PPM1D: variants seen among roughly 807,000 people sequenced by gnomAD.
PPM1D encodes protein phosphatase 1D.
Under a neutral mutation model 58.3 loss-of-function variants are expected in PPM1D, and 52 were observed. The ratio of observed to expected loss-of-function variants is 0.89; its 90% CI spans 0.71 to 1.12. The LOEUF (loss-of-function observed/expected upper bound fraction) is 1.12. Among genes scored for constraint, PPM1D ranks in the 50% most tolerant of loss-of-function variants. PPM1D has a pLI of 0.00. For synonymous variants in PPM1D, 278 were observed against 285.1 expected (o/e 0.98, Z 0.25); for missense variants, 564 against 777.2 (o/e 0.73, Z 3.26).
At chr17:60,638,824 C>CG (rs1013851193) in intron 3 of PPM1D, among the ~76,000 whole-genome samples, 13 of 151,538 alleles carry the variant, frequency 8.6e-5, no homozygotes, top group African/African-American at 3.1e-4. Flanking sequence ...TTTTTTTGGG[C>CG]GGGGGAAGGG....
chr17:60,623,465 G>A, intron 1 of PPM1D, 56 bp from the exon 2 acceptor site: 1 of 1,488,232 alleles, frequency 6.7e-7, no homozygotes, highest in Non-Finnish European at 9.1e-7. Context: ...TTTGTATCCT[G>A]ACAGTGTATT....
At chr17:60,636,500 A>G (rs1031839977) in intron 3 of PPM1D, among the ~76,000 whole-genome samples, 3 of 152,182 alleles carry the variant, frequency 2.0e-5, no homozygotes, top group African/African-American at 7.2e-5. Context: ...TGCTACCAAG[A>G]AAAATAAAGC....
At chr17:60,612,011 T>TG (rs2030466649) in intron 1 of PPM1D, among the ~76,000 whole-genome samples, 1 of 151,606 alleles carries the variant, frequency 6.6e-6, no homozygotes, top group Non-Finnish European at 1.5e-5. Context: ...AGCCACTGAC[T>TG]ACATGTAGTC....
chr17:60,650,426 C>T (rs112338598), intron 4 of PPM1D, among the ~76,000 whole-genome samples: 1 of 152,188 alleles, frequency 6.6e-6, no homozygotes, highest in African/African-American at 2.4e-5. Context: ...TGACTCGCAC[C>T]TGTAATCCCA....
rs374410911 is a variant in PPM1D, at chr17:60,647,712, G to A, written c.827-180G>A. On this transcript the variant is annotated intron_variant, in intron 3 of 5. Transcript: ENST00000305921. ...TGGTGGATATACTTTATCAGGTTAAGGGAGTTCCCTTTTATTCTTAGTTTG... is the reference window on the plus strand; with the variant it reads ...TGGTGGATATACTTTATCAGGTTAAAGGAGTTCCCTTTTATTCTTAGTTTG... 4.6e-5 allele frequency among the ~76,000 whole-genome samples: 7 copies of A among 152,278 alleles called. No individual in the cohort carries two copies. In the East Asian group the frequency reaches 1.2e-3, roughly 25 times the overall value.
chr17:60,614,220 T>A (rs1260034347), intron 1 of PPM1D, among the ~76,000 whole-genome samples: 1 of 152,128 alleles, frequency 6.6e-6, no homozygotes, highest in Non-Finnish European at 1.5e-5. Context: ...TGTGTCTAGC[T>A]CAGGGTTTGT....
In PPM1D at chr17:60,600,721, G is replaced by T. The variant is rs771877652; in HGVS notation, c.307G>T (p.Val103Leu). 2 of 1,608,140 alleles carry T rather than the reference G, an allele frequency of 1.2e-6. No individual in the cohort carries two copies. The highest frequency in any genetic ancestry group is 2.2e-5 in the South Asian group (2 of 90,764). ...CCGTTCCTCCGTGGCCTTTTTCGCC[G>T]TGTGCGACGGGCACGGCGGGCGGGA... ...RRRSSVAFFA[V>L]CDGHGGREAA... The change falls in exon 1 of 6, where the codon GTG becomes TTG. Residue 103 changes from valine (V) to leucine (L), a missense_variant. Around this residue, in one of 7 missense-constraint regions of PPM1D, gnomAD observed 132 missense variants for 150.4 expected, o/e 0.88. Coordinates refer to ENST00000305921, the MANE Select transcript of PPM1D (RefSeq NM_003620.4).
At chr17:60,659,933 T>A (rs2031499355) in intron 5 of PPM1D, among the ~76,000 whole-genome samples, 1 of 152,124 alleles carries the variant, frequency 6.6e-6, no homozygotes, top group Admixed American at 6.5e-5. Flanking sequence ...GCATTTAGGC[T>A]GGGTGTGGTG....
intron 1 of PPM1D, among the ~76,000 whole-genome samples, chr17:60,607,552 C>T (rs142207194): frequency 0.044 from 6,715 of 152,332 alleles, 196 homozygotes; most frequent in Non-Finnish European, 0.065. Context: ...CCACCTGCCT[C>T]AGGCTCCCAA....
At chr17:60,657,463 A>G (rs1157185454) in intron 5 of PPM1D, among the ~76,000 whole-genome samples, 1 of 152,216 alleles carries the variant, frequency 6.6e-6, no homozygotes, top group Non-Finnish European at 1.5e-5. Flanking sequence ...AAAAATTAGC[A>G]GTATTGATTG....
At chr17:60,643,448 T>C (rs1009828798) in intron 3 of PPM1D, among the ~76,000 whole-genome samples, 1 of 152,066 alleles carries the variant, frequency 6.6e-6, no homozygotes, top group African/African-American at 2.4e-5. Flanking sequence ...TAAAATAAAC[T>C]GTCAGCTAAT....
intron 1 of PPM1D, among the ~76,000 whole-genome samples, chr17:60,619,676 CTG>C (rs1430616440): frequency 6.6e-6 from 1 of 151,996 alleles, no homozygotes; most frequent in African/African-American, 2.4e-5. Flanking sequence ...GGTGTGATCA[CTG>C]TAGCCCCAGA....
chr17:60,603,072 C>G (rs539142346), intron 1 of PPM1D, among the ~76,000 whole-genome samples: 2 of 152,262 alleles, frequency 1.3e-5, no homozygotes, highest in South Asian at 4.1e-4. Context: ...TCACCCTGCC[C>G]CCCCAACAAG....
chr17:60,638,122 A>C (rs566173913), intron 3 of PPM1D, among the ~76,000 whole-genome samples: 1 of 152,316 alleles, frequency 6.6e-6, no homozygotes, highest in East Asian at 1.9e-4. Flanking sequence ...GTTTTTAGAC[A>C]GTGTTTTTAT....
intron 1 of PPM1D, among the ~76,000 whole-genome samples, chr17:60,601,088 C>A (rs2030199315): frequency 6.6e-6 from 1 of 152,212 alleles, no homozygotes; most frequent in South Asian, 2.1e-4. Flanking sequence ...ATTGCCGTCT[C>A]CCTGCAGCCT....
intron 1 of PPM1D, among the ~76,000 whole-genome samples, chr17:60,608,750 A>C (rs2030385676): frequency 1.3e-5 from 2 of 151,054 alleles, no homozygotes; most frequent in East Asian, 1.9e-4. Context: ...TATTAGGTAT[A>C]TCTTTTTTTT....
intron 1 of PPM1D, among the ~76,000 whole-genome samples, chr17:60,606,878 C>T (rs558727936): frequency 6.6e-6 from 1 of 152,164 alleles, no homozygotes; most frequent in East Asian, 1.9e-4. Context: ...GTCCCTGCAG[C>T]CTTGACTTCC....
chr17:60,600,383 C>T lies in PPM1D; in HGVS notation c.-32C>T, dbSNP rs1304436970. ...TCCCGCCGCCGGATTCGGCGGGCTG[C>T]GTGGGACCGGCGGGATCCCGGCCAG... On this transcript the variant is annotated 5_prime_UTR_variant, in exon 1 of 6. Transcript: ENST00000305921. 1.9e-6 allele frequency: 3 copies of T among 1,542,356 alleles called. No individual in the cohort carries two copies. The highest frequency in any genetic ancestry group is 2.5e-5 in the East Asian group (1 of 39,888).
chr17:60,645,482 G>GTGTGTGTGTA (rs1555647645), intron 3 of PPM1D, among the ~76,000 whole-genome samples: 50 of 138,472 alleles, frequency 3.6e-4, no homozygotes, highest in African/African-American at 1.5e-3. Flanking sequence ...GTGTGTGTGT[G>GTGTGTGTGTA]TGTGTGTGTG....
Sources: allele counts gnomAD v4.1 joint callset (sites outside exome capture counted in the v4.1 genomes callset), GRCh38; gene constraint gnomAD v4.1.1; regional missense constraint gnomAD v4.1.1; transcripts MANE v1.5; gene names NCBI Gene and HGNC (gene_info 2026-07-23, HGNC 2026-07-21).